The following HYCC2 variants were observed in gnomAD, a reference collection of about 807,000 sequenced individuals.
HYCC2 encodes hyccin 2.
chr2:200,992,408 C>T, the HYCC2 span: 1 of 1,303,768 alleles, frequency 7.7e-7, no homozygotes, highest in African/African-American at 1.5e-5. Flanking sequence ...GAGCAAATAT[C>T]TAATCTTCAG....
the HYCC2 span, among the ~76,000 whole-genome samples, chr2:201,029,297 T>C: frequency 2.0e-5 from 3 of 151,542 alleles, no homozygotes; most frequent in African/African-American, 4.8e-5. Context: ...CATCAGAAAA[T>C]CAGGAAACAA....
At chr2:200,981,577 A>T in the HYCC2 span, 7 of 1,614,208 alleles carry the variant, frequency 4.3e-6, no homozygotes, top group Non-Finnish European at 5.9e-6. The surrounding 1 kb of genome is among the most constrained non-coding windows in gnomAD (Gnocchi z 4.5). Flanking sequence ...AGGCAGGCTC[A>T]GGTGTTTCTT....
chr2:200,988,129 C>T, the HYCC2 span: 1 of 567,150 alleles, frequency 1.8e-6, no homozygotes, highest in South Asian at 4.7e-5. Context: ...AGTCACATTT[C>T]TAGTGATATT....
chr2:201,011,441 A>G, the HYCC2 span: 1 of 1,582,998 alleles, frequency 6.3e-7, no homozygotes, highest in Admixed American at 1.8e-5. Flanking sequence ...GAAAGACAGA[A>G]CTTTATTGTT....
chr2:201,061,418 A>G, the HYCC2 span: 1 of 151,764 alleles, frequency 6.6e-6, no homozygotes, highest in Admixed American at 6.6e-5. Flanking sequence ...GGAGAGCGAA[A>G]CTCCATCTGA....
chr2:200,997,794 T>C, the HYCC2 span, among the ~76,000 whole-genome samples: 1 of 152,156 alleles, frequency 6.6e-6, no homozygotes, highest in East Asian at 1.9e-4. Flanking sequence ...TCCCAGCACT[T>C]TGGGAGGCCG....
At chr2:201,042,158 G>T in the HYCC2 span, among the ~76,000 whole-genome samples, 13 of 152,216 alleles carry the variant, frequency 8.5e-5, no homozygotes, top group African/African-American at 3.1e-4. Flanking sequence ...GGGTTTCGCC[G>T]TGTTGGCCGG....
At chr2:200,974,433 C>T in the HYCC2 span, 1 of 152,044 alleles carries the variant, frequency 6.6e-6, no homozygotes, top group Non-Finnish European at 1.5e-5. Context: ...CACTTAACCA[C>T]TTAAACTGAA....
At chr2:201,055,125 A>G in the HYCC2 span, among the ~76,000 whole-genome samples, 1 of 152,296 alleles carries the variant, frequency 6.6e-6, no homozygotes, top group Non-Finnish European at 1.5e-5. Flanking sequence ...AGTTCATAAT[A>G]AGTTCTTCCT....
the HYCC2 span, among the ~76,000 whole-genome samples, chr2:201,054,934 G>C: frequency 6.6e-6 from 1 of 152,010 alleles, no homozygotes; most frequent in Non-Finnish European, 1.5e-5. Context: ...CAAAGTGCTG[G>C]GATTACAGGC....
chr2:201,042,233 C>T, the HYCC2 span, among the ~76,000 whole-genome samples: 1 of 152,224 alleles, frequency 6.6e-6, no homozygotes, highest in African/African-American at 2.4e-5. Flanking sequence ...GCCGGGATTG[C>T]AGACGGAGTC....
At chr2:201,048,583 C>T in the HYCC2 span, among the ~76,000 whole-genome samples, 3 of 150,140 alleles carry the variant, frequency 2.0e-5, no homozygotes, top group East Asian at 5.8e-4. Flanking sequence ...AATTCTTCTG[C>T]TTCCAGTATG....
At chr2:201,034,986 G>C in the HYCC2 span, among the ~76,000 whole-genome samples, 1 of 152,104 alleles carries the variant, frequency 6.6e-6, no homozygotes, top group African/African-American at 2.4e-5. Context: ...TAGTCTGATG[G>C]GCTTCCCTTT....
At chr2:201,058,402 G>T in the HYCC2 span, among the ~76,000 whole-genome samples, 1 of 152,174 alleles carries the variant, frequency 6.6e-6, no homozygotes, top group African/African-American at 2.4e-5. Flanking sequence ...TTTGTGATTT[G>T]GTCACCAATA....
the HYCC2 span, among the ~76,000 whole-genome samples, chr2:201,050,804 G>T: frequency 6.6e-6 from 1 of 151,528 alleles, no homozygotes; most frequent in Non-Finnish European, 1.5e-5. Context: ...GTGTGGTGGT[G>T]GGTGCCTGTA....
chr2:201,048,316 C>A, the HYCC2 span, among the ~76,000 whole-genome samples: 53 of 151,674 alleles, frequency 3.5e-4, 1 homozygote, highest in East Asian at 9.5e-3. Context: ...GGAAAAAAAA[C>A]CAGATGGGAC....
the HYCC2 span, among the ~76,000 whole-genome samples, chr2:201,003,155 C>T: frequency 3.9e-5 from 6 of 152,160 alleles, no homozygotes; most frequent in African/African-American, 1.4e-4. Context: ...CAGCCTCAAA[C>T]TCCTGGGCTT....
At chr2:201,071,138 G>A in the HYCC2 span, among the ~76,000 whole-genome samples, 2,810 of 152,288 alleles carry the variant, frequency 0.018, 35 homozygotes, top group African/African-American at 0.028. Flanking sequence ...GCAATAATGA[G>A]TGTTCAGAAT....
chr2:201,026,919 G>A, the HYCC2 span, among the ~76,000 whole-genome samples: 1 of 152,078 alleles, frequency 6.6e-6, no homozygotes, highest in South Asian at 2.1e-4. Context: ...AGAAGCAAGA[G>A]CAAATACATT....
Sources: allele counts gnomAD v4.1 joint callset (sites outside exome capture counted in the v4.1 genomes callset), GRCh38; gene constraint gnomAD v4.1.1; non-coding constraint Gnocchi (gnomAD v3.1); transcripts MANE v1.5; gene names NCBI Gene and HGNC (gene_info 2026-07-23, HGNC 2026-07-21).